The following TMEM59 variants were observed in gnomAD, a reference collection of about 807,000 sequenced individuals.
TMEM59 encodes dendritic cell factor 1.
A neutral mutation model predicts 42.2 loss-of-function variants in TMEM59; 44 were observed. The observed-to-expected ratio is 1.04, with a 90% confidence interval of 0.82 to 1.34. The LOEUF (loss-of-function observed/expected upper bound fraction) is 1.34, where lower values mean the gene tolerates loss of function less well. Ranked by LOEUF, TMEM59 falls within the 40% of genes most tolerant of loss-of-function variation. The pLI, the probability that TMEM59 is intolerant of heterozygous loss-of-function variation, is 0.00. For missense variants in TMEM59, 359 were observed against 382.8 expected, an observed-to-expected ratio of 0.94 and a Z score of 0.52; for synonymous variants, 148 against 145.8, an observed-to-expected ratio of 1.02 and a Z score of -0.11.
At chr1:54,047,643 G>T in intron 1 of TMEM59, 1 of 365,390 alleles carries the variant, frequency 2.7e-6, no homozygotes. Flanking sequence ...TACAATCTGT[G>T]GGGGGGAAAA....
intron 3 of TMEM59, chr1:54,044,453 C>T (rs900963632): frequency 3.0e-4 from 45 of 150,350 alleles, no homozygotes; most frequent in African/African-American, 9.3e-4. Context: ...GTGTGGGATG[C>T]CATTTACTAA....
chr1:54,045,761 A>C lies in TMEM59; in HGVS notation c.321T>G (p.Ser107=). Residue 107 remains serine, a synonymous_variant, in exon 3 of 8, where the codon TCT becomes TCG. Coordinates refer to ENST00000234831, the MANE Select transcript of TMEM59 (RefSeq NM_004872.5). The part of the protein sequence containing the change: ...ESACTEAYSQ[S]DEQYACHLGC... ...CAAGATGGCAAGCATATTGCTCATC[A>C]GATTGGGAATATGCTTCTGTACATG... The C allele has an allele frequency of 6.2e-7, 1 of 1,614,072 alleles. No homozygotes were observed. Among genetic ancestry groups the C allele is most frequent in the Non-Finnish European group, 8.5e-7 (1 of 1,179,940 alleles).
chr1:54,044,692 T>C (rs1657268619), intron 3 of TMEM59: 1 of 152,032 alleles, frequency 6.6e-6, no homozygotes, highest in Admixed American at 6.6e-5. Flanking sequence ...ATTCTAGCCC[T>C]ATGATTTTAT....
At chr1:54,039,028 G>C (rs1351568781) in intron 6 of TMEM59, among the ~76,000 whole-genome samples, 1 of 152,090 alleles carries the variant, frequency 6.6e-6, no homozygotes, top group Non-Finnish European at 1.5e-5. Context: ...ATTTTTTGTA[G>C]AGATGGATGG....
upstream of TMEM59, chr1:54,053,541 C>T (rs892795935): frequency 2.0e-5 from 5 of 250,596 alleles, no homozygotes; most frequent in Non-Finnish European, 3.9e-5. Context: ...ACTACAGCCG[C>T]CCTCAGCGCG....
rs1244872681 is a variant in TMEM59 at position 54,032,151 on chromosome 1, T to G, written c.971A>C (p.Ter324SerextTer5). The G allele has an allele frequency of 6.2e-7, 1 of 1,605,490 alleles. No homozygotes were observed. Among genetic ancestry groups the G allele is most frequent in the East Asian group, 2.2e-5 (1 of 44,744 alleles). The change falls in exon 8 of 8, where the codon TAA becomes TCA. Residue 324 changes from the stop codon to serine, a stop_lost. Coordinates refer to ENST00000234831, the MANE Select transcript of TMEM59 (RefSeq NM_004872.5). ...TKVNLAHSEI[*>S] is the part of the protein sequence containing the mutation. ...ACTTGTCTTTTAAAAGAAAAATGCTTAAATTTCAGAATGAGCAAGATTCAC... is the reference window on the plus strand; with the variant it reads ...ACTTGTCTTTTAAAAGAAAAATGCTGAAATTTCAGAATGAGCAAGATTCAC...
At chr1:54,038,261 A>T (rs1000405568) in intron 6 of TMEM59, among the ~76,000 whole-genome samples, 5 of 152,210 alleles carry the variant, frequency 3.3e-5, no homozygotes, top group Non-Finnish European at 1.5e-5. Context: ...TGAAAAAAAA[A>T]TTTTAAGTAA....
chr1:54,046,909 G>A (rs1159742729), intron 2 of TMEM59, among the ~76,000 whole-genome samples: 8 of 152,160 alleles, frequency 5.3e-5, no homozygotes. Flanking sequence ...TAAAAAACTT[G>A]GAGATAAGTC....
intron 3 of TMEM59, chr1:54,044,848 TAGA>T (rs1657275202): frequency 6.6e-6 from 1 of 152,146 alleles, no homozygotes; most frequent in Non-Finnish European, 1.5e-5. Flanking sequence ...AAAAAATTAG[TAGA>T]AGCTCTTTAT....
chr1:54,042,411 C>T (rs1293324399), intron 4 of TMEM59, among the ~76,000 whole-genome samples: 2 of 152,154 alleles, frequency 1.3e-5, no homozygotes, highest in Non-Finnish European at 2.9e-5. Flanking sequence ...GAGGGCTTCA[C>T]TCTGAGAGTC....
intron 1 of TMEM59, 65 bp downstream of exon 1, chr1:54,052,935 A>T: frequency 2.0e-6 from 3 of 1,535,040 alleles, no homozygotes; most frequent in Non-Finnish European, 2.6e-6. Context: ...GAGCCGACAT[A>T]CGTGTGGGGA....
At position 54,041,776 on chromosome 1, in the gene TMEM59, A is replaced by G; in HGVS notation, c.573T>C (p.His191=). 1 of 1,613,670 alleles carries G rather than the reference A, an allele frequency of 6.2e-7. No homozygotes were observed. Among genetic ancestry groups the G allele is most frequent in the South Asian group, 1.1e-5 (1 of 91,026 alleles). The change falls in exon 5 of 8, where the codon CAT becomes CAC. Residue 191 remains histidine, a synonymous_variant. Coordinates refer to ENST00000234831, the MANE Select transcript of TMEM59 (RefSeq NM_004872.5). The part of the protein sequence containing the change: ...QSKPEIQYAP[H]LEQEPTNLRE... Reference sequence around the variant, plus strand: ...TCAAATTTGTAGGCTCCTGCTCCAAATGTGGTGCGTACTGGATTTCTGGCT... The same window carrying G: ...TCAAATTTGTAGGCTCCTGCTCCAAGTGTGGTGCGTACTGGATTTCTGGCT...
rs71765470 is a variant in TMEM59, at chr1:54,032,122, TTACA to T, written c.*24_*27del. On this transcript the variant is annotated 3_prime_UTR_variant, in exon 8 of 8. Transcript: ENST00000234831. ...TGAGGAGTGGAATTTTAGATGTCTA[TTACA>T]CTTGTCTTTTAAAAGAAAAATGCTT... is the stretch of plus-strand genomic sequence containing the variant. The T allele has an allele frequency of 1.4e-3, 2,244 of 1,598,804 alleles. 27 individuals carry two copies. In the African/African-American group the frequency reaches 0.025, roughly 18 times the overall value.
intron 5 of TMEM59, 35 bp from the exon 6 acceptor site, chr1:54,040,872 T>C (rs1464540002): frequency 4.5e-6 from 7 of 1,553,326 alleles, no homozygotes; most frequent in African/African-American, 2.7e-5. Context: ...TATTATATCC[T>C]ATATTCCAAA....
chr1:54,033,328 C>T (rs756766758), intron 7 of TMEM59: 6 of 151,968 alleles, frequency 3.9e-5, no homozygotes, highest in African/African-American at 7.3e-5. Context: ...AGGCTGGGTG[C>T]GGTGGCTCAT....
intron 7 of TMEM59, among the ~76,000 whole-genome samples, chr1:54,035,610 A>ATT (rs202132442): frequency 6.8e-6 from 1 of 147,772 alleles, no homozygotes; most frequent in Non-Finnish European, 1.5e-5. Flanking sequence ...ACACTCCAGC[A>ATT]TTTTTTTTTC....
intron 6 of TMEM59, among the ~76,000 whole-genome samples, chr1:54,037,236 T>A (rs926081082): frequency 6.6e-6 from 1 of 152,354 alleles, no homozygotes; most frequent in East Asian, 1.9e-4. Flanking sequence ...TTACTTATAC[T>A]TCAATTTAAA....
At chr1:54,040,436 A>G (rs1389301600) in intron 6 of TMEM59, among the ~76,000 whole-genome samples, 2 of 152,204 alleles carry the variant, frequency 1.3e-5, no homozygotes, top group African/African-American at 2.4e-5. Flanking sequence ...TACAGGCATG[A>G]GCCACTGTGC....
chr1:54,039,820 T>C (rs1657079153), intron 6 of TMEM59, among the ~76,000 whole-genome samples: 1 of 151,916 alleles, frequency 6.6e-6, no homozygotes, highest in Admixed American at 6.6e-5. Context: ...TTTTCCTTTT[T>C]TTGTTGGGGG....
Sources: allele counts gnomAD v4.1 joint callset (sites outside exome capture counted in the v4.1 genomes callset), GRCh38; gene constraint gnomAD v4.1.1; transcripts MANE v1.5; gene names NCBI Gene and HGNC (gene_info 2026-07-23, HGNC 2026-07-21).